Variants in EGLN3 observed in about 807,000 individuals in gnomAD.
The protein encoded by EGLN3 is prolyl hydroxylase EGLN3.
Under a neutral mutation model 26.0 loss-of-function variants are expected in EGLN3, and 15 were observed. The ratio of observed to expected loss-of-function variants is 0.58; its 90% CI spans 0.39 to 0.89. EGLN3 has a LOEUF of 0.89. Ranked by LOEUF, EGLN3 falls within the 40% of genes least tolerant of loss-of-function variation. The pLI is 0.00. For synonymous variants in EGLN3, 147 were observed against 127.2 expected, an observed-to-expected ratio of 1.16 and a Z score of -1.05; for missense variants, 238 against 311.6, an observed-to-expected ratio of 0.76 and a Z score of 1.78.
intron 1 of EGLN3, among the ~76,000 whole-genome samples, chr14:33,935,410 G>A (rs1043321566): frequency 6.6e-6 from 1 of 152,072 alleles, no homozygotes; most frequent in Admixed American, 6.5e-5. Context: ...AAGCCAATCC[G>A]GTATACATGA....
In EGLN3 at chr14:33,950,466, G is replaced by A; in HGVS notation, c.287C>T (p.Ser96Phe). ...GTAGAGGACCAGCCTGTCGATGAGG[G>A]ACAGGAGGAAGCTGATGGCCTCGCA... ...EGCEAISFLL[S>F]LIDRLVLYCG... The change falls in exon 1 of 5, where the codon TCC (serine) becomes TTC (phenylalanine). Residue 96 changes from serine to phenylalanine, a missense_variant. By Grantham distance (155) the Ser-to-Phe change is radical. Coordinates refer to ENST00000250457, the MANE Select transcript of EGLN3 (RefSeq NM_022073.4). 1 of 1,613,672 alleles carries A rather than the reference G, an allele frequency of 6.2e-7. No homozygotes were observed. Among genetic ancestry groups the A allele is most frequent in the South Asian group, 1.1e-5 (1 of 91,078 alleles).
In EGLN3 at chr14:33,925,560, G is replaced by A; in HGVS notation, c.*331C>T. The A allele has an allele frequency of 8.1e-6, 2 of 247,746 alleles. No homozygotes were observed. The highest frequency in any genetic ancestry group is 1.6e-5 in the Non-Finnish European group (2 of 127,796). The allele number at this position is 247,746 out of a possible 1,614,324, so 15.3% of individuals were successfully genotyped here. On this transcript the variant is annotated 3_prime_UTR_variant, in exon 5 of 5. Transcript: ENST00000250457. ...TTTCAAATCAGGAAGTATACATAAA[G>A]TGCAAGTAAGGTTCATTCCCTCGCT...
Position 33,925,592 on chromosome 14 carries a change from C to A in EGLN3, c.*299G>T. 5.3e-6 allele frequency: 2 copies of A among 377,960 alleles called. No individual in the cohort carries two copies. Among genetic ancestry groups the A allele is most frequent in the Non-Finnish European group, 9.7e-6 (2 of 205,802 alleles). 23.4% of individuals were successfully genotyped at this position (377,960 alleles called of 1,614,324 possible). ...TAAGGTTCATTCCCTCGCTGTGCTC[C>A]TAGGCTCTTCTCTTGATAGTATTAC... On this transcript the variant is annotated 3_prime_UTR_variant, in exon 5 of 5. Coordinates refer to ENST00000250457, the MANE Select transcript of EGLN3 (RefSeq NM_022073.4).
At chr14:33,939,636 T>C (rs567599101) in intron 1 of EGLN3, among the ~76,000 whole-genome samples, 2 of 152,248 alleles carry the variant, frequency 1.3e-5, no homozygotes, top group Non-Finnish European at 2.9e-5. Flanking sequence ...TCAGTGGCTA[T>C]ATTTATTTAC....
At chr14:33,939,348 C>T (rs1161647758) in intron 1 of EGLN3, among the ~76,000 whole-genome samples, 1 of 152,058 alleles carries the variant, frequency 6.6e-6, no homozygotes, top group Admixed American at 6.5e-5. Flanking sequence ...GTAGCTGGGA[C>T]TACAGGCGCC....
At chr14:33,947,178 A>C (rs968032623) in intron 1 of EGLN3, among the ~76,000 whole-genome samples, 3 of 152,218 alleles carry the variant, frequency 2.0e-5, no homozygotes, top group African/African-American at 7.2e-5. Flanking sequence ...GCAGCCAAAG[A>C]AAAAGGAGCA....
Position 33,931,253 on chromosome 14 carries a change from GAGAC to G in EGLN3, c.358-42_358-39del, listed in dbSNP as rs756268060. 5.6e-6 allele frequency: 9 copies of G among 1,613,458 alleles called. No homozygotes were observed. In the East Asian group the frequency reaches 1.8e-4, roughly 32 times the overall value. ...CCCAAGAAAGCTGGTTAACAAAGCT[GAGAC>G]AGACAATCTTCTCCTCCCACTGGTG... On this transcript the variant is annotated intron_variant, in intron 1 of 4. Transcript: ENST00000250457.
At chr14:33,945,858 G>A (rs1236508768) in intron 1 of EGLN3, among the ~76,000 whole-genome samples, 3 of 152,218 alleles carry the variant, frequency 2.0e-5, no homozygotes, top group African/African-American at 7.2e-5. Context: ...CATGAGAAGG[G>A]TGGGCCAAAA....
At chr14:33,940,429 C>T (rs2064474322) in intron 1 of EGLN3, among the ~76,000 whole-genome samples, 2 of 151,420 alleles carry the variant, frequency 1.3e-5, no homozygotes, top group South Asian at 2.1e-4. Flanking sequence ...GTCTGATCAA[C>T]TGACCTCTGA....
intron 2 of EGLN3, among the ~76,000 whole-genome samples, chr14:33,930,269 T>G (rs2138811938): frequency 6.6e-6 from 1 of 152,376 alleles, no homozygotes; most frequent in South Asian, 2.1e-4. Flanking sequence ...ACTTAATGGA[T>G]GTATTCCAGT....
At position 33,925,667 on chromosome 14, in the gene EGLN3, C is replaced by A; in HGVS notation, c.*224G>T. 1 of 571,292 alleles carries A rather than the reference C, an allele frequency of 1.8e-6. No homozygotes were observed. The allele number at this position is 571,292 out of a possible 1,614,324, so 35.4% of individuals were successfully genotyped here. A position where few individuals can be genotyped will look rare whatever the true frequency, so the allele number is the denominator to read the frequency against. On this transcript the variant is annotated 3_prime_UTR_variant, in exon 5 of 5. Coordinates refer to ENST00000250457, the MANE Select transcript of EGLN3 (RefSeq NM_022073.4). ...CCGAGTAGGATGTCTGCAGGAATTT[C>A]TGGAGTTAGCAAGTAACTTCATCTG...
intron 1 of EGLN3, chr14:33,949,894 C>CGTAT: frequency 1.5e-5 from 3 of 205,266 alleles, no homozygotes; most frequent in East Asian, 1.2e-4. Context: ...TCACACCTGC[C>CGTAT]CAACTCCACA....
At chr14:33,930,263 A>G (rs2064392894) in intron 2 of EGLN3, among the ~76,000 whole-genome samples, 2 of 152,216 alleles carry the variant, frequency 1.3e-5, no homozygotes, top group Non-Finnish European at 1.5e-5. Context: ...AAGGAGACTT[A>G]ATGGATGTAT....
rs550748091 is a variant in EGLN3 at position 33,950,837 on chromosome 14, G to C, written c.-85C>G. The C allele has an allele frequency of 7.7e-7, 1 of 1,291,686 alleles. No individual in the cohort carries two copies. The highest frequency in any genetic ancestry group is 1.5e-5 in the African/African-American group (1 of 67,784). 80.0% of individuals were successfully genotyped at this position (1,291,686 alleles called of 1,614,324 possible). ...CACGAGCGCGAAGCCGAGGCGCGGG[G>C]AGCGTGGCCCGGGGTTCAGAAACCT... On this transcript the variant is annotated 5_prime_UTR_variant, in exon 1 of 5. Coordinates refer to ENST00000250457, the MANE Select transcript of EGLN3 (RefSeq NM_022073.4).
chr14:33,935,219 C>T (rs1401959599), intron 1 of EGLN3, among the ~76,000 whole-genome samples: 1 of 152,180 alleles, frequency 6.6e-6, no homozygotes, highest in Admixed American at 6.5e-5. Context: ...CTGGCACACA[C>T]TAAGTGCTTA....
At chr14:33,933,652 T>A (rs911491628) in intron 1 of EGLN3, among the ~76,000 whole-genome samples, 3 of 152,154 alleles carry the variant, frequency 2.0e-5, no homozygotes, top group Non-Finnish European at 4.4e-5. Flanking sequence ...GAGATGGGTC[T>A]TTGCTTGGGC....
At chr14:33,941,041 T>C (rs890948782) in intron 1 of EGLN3, among the ~76,000 whole-genome samples, 15 of 152,136 alleles carry the variant, frequency 9.9e-5, no homozygotes, top group African/African-American at 3.6e-4. Context: ...CAATGTTAAT[T>C]CCTTATAATC....
At chr14:33,934,906 G>C (rs956381246) in intron 1 of EGLN3, among the ~76,000 whole-genome samples, 2 of 152,118 alleles carry the variant, frequency 1.3e-5, no homozygotes, top group African/African-American at 4.8e-5. Context: ...AAAATCCATT[G>C]TTTAAGATTT....
At position 33,929,102 on chromosome 14, in the gene EGLN3, G is replaced by A. The variant is rs370813407; in HGVS notation, c.588C>T (p.His196=). The A allele has an allele frequency of 1.5e-5, 25 of 1,613,954 alleles. No individual in the cohort carries two copies. Among genetic ancestry groups the A allele is most frequent in the East Asian group, 2.2e-5 (1 of 44,882 alleles). Residue 196 remains histidine (H), a synonymous_variant, in exon 3 of 5, where the codon CAC becomes CAT. Transcript: ENST00000250457. ...TGGTTGCGTAAGAGGGCTGCACTTCGTGTGGGTTCCTACGATCTGACCAGA... is the reference window on the plus strand; with the variant it reads ...TGGTTGCGTAAGAGGGCTGCACTTCATGTGGGTTCCTACGATCTGACCAGA... ...LFFWSDRRNP[H]EVQPSYATRY... is the part of the protein sequence containing the mutation.
Sources: allele counts gnomAD v4.1 joint callset (sites outside exome capture counted in the v4.1 genomes callset), GRCh38; gene constraint gnomAD v4.1.1; transcripts MANE v1.5; gene names NCBI Gene and HGNC (gene_info 2026-07-23, HGNC 2026-07-21).